PTPRT: variants seen among roughly 807,000 people sequenced by gnomAD.
PTPRT encodes the protein receptor-type tyrosine-protein phosphatase T.
Under a neutral mutation model 176.8 loss-of-function variants are expected in PTPRT, and 56 were observed. That is an observed-to-expected ratio of 0.32 (90% CI 0.26 to 0.40). The LOEUF (loss-of-function observed/expected upper bound fraction) is 0.40, where lower values mean the gene tolerates loss of function less well. PTPRT is among the 10% of genes least tolerant of loss of function. PTPRT has a pLI of 1.00. For synonymous variants in PTPRT, 783 were observed against 739.0 expected, an observed-to-expected ratio of 1.06 and a Z score of -0.96; for missense variants, 1,540 against 1,908.2, an observed-to-expected ratio of 0.81 and a Z score of 3.60.
At chr20:43,129,548 C>A (rs1568802190) in intron 1 of PTPRT, among the ~76,000 whole-genome samples, 1 of 151,446 alleles carries the variant, frequency 6.6e-6, no homozygotes, top group Non-Finnish European at 1.5e-5. Context: ...TCTTACCAAA[C>A]AGAACGCTGC....
intron 1 of PTPRT, among the ~76,000 whole-genome samples, chr20:43,091,147 C>T (rs1045525108): frequency 6.6e-6 from 1 of 152,042 alleles, no homozygotes; most frequent in Non-Finnish European, 1.5e-5. Context: ...ACAGGAGAAT[C>T]GCTTGAACCT....
chr20:42,183,471 G>T (rs1177762954), intron 16 of PTPRT, among the ~76,000 whole-genome samples: 1 of 152,146 alleles, frequency 6.6e-6, no homozygotes, highest in Middle Eastern at 3.2e-3. Flanking sequence ...TTGTACAAGA[G>T]AGCAAAAGCT....
chr20:42,508,123 C>CTT (rs5841464), intron 7 of PTPRT, among the ~76,000 whole-genome samples: 2,440 of 145,664 alleles, frequency 0.017, 35 homozygotes, highest in Middle Eastern at 0.045. Flanking sequence ...AGTAATTACC[C>CTT]TTTTTGTGTG....
the PTPRT span, among the ~76,000 whole-genome samples, chr20:42,052,475 G>GC: frequency 1.4e-4 from 22 of 151,996 alleles, no homozygotes; most frequent in African/African-American, 4.8e-4. Context: ...TTGAAGAGTG[G>GC]CCCCCCCACA....
At chr20:42,629,574 A>C (rs1426136685) in intron 7 of PTPRT, among the ~76,000 whole-genome samples, 1 of 152,134 alleles carries the variant, frequency 6.6e-6, no homozygotes, top group African/African-American at 2.4e-5. Context: ...TGGTTGGGGG[A>C]AGATATATTC....
intron 26 of PTPRT, among the ~76,000 whole-genome samples, chr20:42,099,163 C>T (rs756097541): frequency 6.6e-5 from 10 of 152,022 alleles, no homozygotes; most frequent in Non-Finnish European, 1.5e-4. Flanking sequence ...TCTGTCCATC[C>T]ATTTGCCCAT....
intron 7 of PTPRT, among the ~76,000 whole-genome samples, chr20:42,601,159 C>T (rs918017746): frequency 6.6e-6 from 1 of 152,152 alleles, no homozygotes; most frequent in Admixed American, 6.5e-5. Context: ...GAGCTACTCT[C>T]CATAGTGGAA....
intron 11 of PTPRT, among the ~76,000 whole-genome samples, chr20:42,316,586 C>G (rs2057724325): frequency 6.6e-6 from 1 of 152,182 alleles, no homozygotes; most frequent in African/African-American, 2.4e-5. Context: ...CATAGGCCTT[C>G]CATTGTCCAA....
At chr20:42,858,871 G>T (rs994652494) in intron 2 of PTPRT, among the ~76,000 whole-genome samples, 12 of 152,188 alleles carry the variant, frequency 7.9e-5, no homozygotes, top group South Asian at 6.2e-4. Flanking sequence ...AGTTGAGAAG[G>T]GAATTCAGAG....
intron 16 of PTPRT, among the ~76,000 whole-genome samples, chr20:42,167,782 T>C (rs1012485574): frequency 8.5e-5 from 13 of 152,146 alleles, no homozygotes; most frequent in Admixed American, 5.9e-4. Context: ...AGATAAAACA[T>C]TGGATTCAAA....
intron 29 of PTPRT, 68 bp from the exon 30 acceptor site, chr20:42,082,085 T>C: frequency 1.2e-6 from 2 of 1,604,232 alleles, no homozygotes; most frequent in Non-Finnish European, 1.7e-6. Context: ...ATTCTAAAGC[T>C]ACATCAGTAG....
intron 8 of PTPRT, among the ~76,000 whole-genome samples, chr20:42,470,430 C>G (rs1352189896): frequency 6.6e-6 from 1 of 152,160 alleles, no homozygotes; most frequent in African/African-American, 2.4e-5. Context: ...TGTCCCACTT[C>G]CCTCACTCCC....
In PTPRT at chr20:42,310,088, C is replaced by T. The variant is rs76988585; in HGVS notation, c.2139+5635G>A. On this transcript the variant is annotated intron_variant, in intron 12 of 30. Transcript: ENST00000373187. ...AAAAGACAGATGTAGGTAAAATGCA[C>T]CCTGAATTAAGACCCCAAAGTGAAA... Among the ~76,000 whole-genome samples the T allele has an allele frequency of 4.5e-3, 685 of 152,100 alleles. 7 individuals carry two copies. The highest frequency in any genetic ancestry group is 0.016 in the African/African-American group (656 of 41,492).
intron 15 of PTPRT, among the ~76,000 whole-genome samples, chr20:42,228,451 C>T (rs1291997710): frequency 6.6e-6 from 1 of 152,226 alleles, no homozygotes; most frequent in East Asian, 1.9e-4. Flanking sequence ...TATCAGTACA[C>T]ATGGTCTAGC....
intron 27 of PTPRT, among the ~76,000 whole-genome samples, chr20:42,094,701 C>A (rs992116519): frequency 6.6e-5 from 10 of 152,146 alleles, no homozygotes; most frequent in Admixed American, 1.3e-4. Flanking sequence ...ACCAGTCTGG[C>A]CAACATTGGG....
At chr20:42,287,443 T>C (rs1231246493) in intron 12 of PTPRT, among the ~76,000 whole-genome samples, 2 of 151,918 alleles carry the variant, frequency 1.3e-5, no homozygotes, top group Non-Finnish European at 1.5e-5. Context: ...TAAATGGAAC[T>C]AGAGGACATT....
intron 14 of PTPRT, among the ~76,000 whole-genome samples, chr20:42,240,020 G>A (rs1038072274): frequency 6.6e-6 from 1 of 152,184 alleles, no homozygotes; most frequent in African/African-American, 2.4e-5. Context: ...GCTACACTGA[G>A]CATTCTGGAC....
intron 16 of PTPRT, among the ~76,000 whole-genome samples, chr20:42,194,160 T>C (rs141811998): frequency 8.4e-4 from 128 of 152,330 alleles, no homozygotes; most frequent in African/African-American, 3.0e-3. Context: ...AGTAGAACCA[T>C]GTATTATTTG....
intron 22 of PTPRT, among the ~76,000 whole-genome samples, chr20:42,111,235 A>G (rs1965421078): frequency 6.6e-6 from 1 of 151,964 alleles, no homozygotes; most frequent in Non-Finnish European, 1.5e-5. Flanking sequence ...GTTCCCTACT[A>G]TTTTTCTACT....
Sources: allele counts gnomAD v4.1 joint callset (sites outside exome capture counted in the v4.1 genomes callset), GRCh38; gene constraint gnomAD v4.1.1; transcripts MANE v1.5; gene names NCBI Gene and HGNC (gene_info 2026-07-23, HGNC 2026-07-21).